The following RARB variants were observed in gnomAD, a reference collection of about 807,000 sequenced individuals.
The protein encoded by RARB is retinoic acid receptor beta, also known as HBV-activated protein.
In RARB, 17 loss-of-function variants were observed where a neutral mutation model predicts 51.9. The ratio of observed to expected loss-of-function variants is 0.33; its 90% CI spans 0.22 to 0.49. The LOEUF (loss-of-function observed/expected upper bound fraction) is 0.49, where lower values mean the gene tolerates loss of function less well. RARB is among the 20% of genes least tolerant of loss of function. The probability of loss-of-function intolerance (pLI) is 0.99; values close to 1 mark genes in which losing one functional copy is unlikely to be tolerated. For synonymous variants in RARB, 215 were observed against 195.4 expected (o/e 1.10, Z -0.84); for missense variants, 369 against 550.8 (o/e 0.67, Z 3.30).
At chr3:25,573,037 T>A (rs1280185710) in intron 4 of RARB, among the ~76,000 whole-genome samples, 1 of 152,098 alleles carries the variant, frequency 6.6e-6, no homozygotes, top group Admixed American at 6.5e-5. Context: ...TCACCACTGA[T>A]GAGCAGAACG....
At chr3:25,196,667 A>G (rs941086697) in intron 5 of RARB, among the ~76,000 whole-genome samples, 2 of 152,114 alleles carry the variant, frequency 1.3e-5, no homozygotes, top group Non-Finnish European at 2.9e-5. Flanking sequence ...CAATGGTTGA[A>G]CTAGTTTACA....
At chr3:25,385,050 G>C (rs1216307591) in intron 5 of RARB, among the ~76,000 whole-genome samples, 1 of 152,114 alleles carries the variant, frequency 6.6e-6, no homozygotes, top group African/African-American at 2.4e-5. Context: ...GGCCGTAGTA[G>C]ATACTTAAAG....
intron 5 of RARB, among the ~76,000 whole-genome samples, chr3:25,199,520 G>A (rs1701337652): frequency 6.6e-6 from 1 of 152,046 alleles, no homozygotes; most frequent in Admixed American, 6.6e-5. Context: ...TGTTACATAT[G>A]TATACATGTG....
intron 4 of RARB, among the ~76,000 whole-genome samples, chr3:25,149,012 T>C (rs1400615664): frequency 6.6e-6 from 1 of 152,194 alleles, no homozygotes; most frequent in Non-Finnish European, 1.5e-5. Flanking sequence ...TAGTTTTACT[T>C]TGATATGCTA....
intron 5 of RARB, among the ~76,000 whole-genome samples, chr3:25,203,647 C>T (rs1306724923): frequency 6.6e-6 from 1 of 152,136 alleles, no homozygotes; most frequent in Non-Finnish European, 1.5e-5. Flanking sequence ...AATCTCTCAG[C>T]ATTTGCTTGT....
chr3:25,220,340 T>C (rs1291561930), intron 5 of RARB, among the ~76,000 whole-genome samples: 2 of 152,204 alleles, frequency 1.3e-5, no homozygotes, highest in Admixed American at 1.3e-4. Flanking sequence ...AATATTTAAG[T>C]TATCACATGT....
intron 5 of RARB, among the ~76,000 whole-genome samples, chr3:25,311,195 T>A (rs919184957): frequency 6.6e-6 from 1 of 152,148 alleles, no homozygotes; most frequent in Non-Finnish European, 1.5e-5. Context: ...GAGAGGCATA[T>A]CAGACAGGAC....
chr3:24,869,413 AGAAAATT>A (rs2125348000), intron 2 of RARB, among the ~76,000 whole-genome samples: 1 of 152,290 alleles, frequency 6.6e-6, no homozygotes, highest in East Asian at 1.9e-4. Context: ...CCTGATTTTT[AGAAAATT>A]AAAACACTTA....
intron 5 of RARB, among the ~76,000 whole-genome samples, chr3:25,249,647 G>C (rs939733512): frequency 1.3e-4 from 18 of 142,672 alleles, no homozygotes; most frequent in African/African-American, 4.6e-4. Context: ...CTTCAGCTTT[G>C]ATTCTGGGTA....
At chr3:25,517,958 C>T (rs1169750957) in intron 3 of RARB, among the ~76,000 whole-genome samples, 1 of 152,092 alleles carries the variant, frequency 6.6e-6, no homozygotes, top group Non-Finnish European at 1.5e-5. Context: ...CATAGAAACA[C>T]AAAGTAACTT....
At chr3:25,143,660 C>A (rs1378358347) in intron 4 of RARB, among the ~76,000 whole-genome samples, 1 of 152,168 alleles carries the variant, frequency 6.6e-6, no homozygotes, top group East Asian at 1.9e-4. Flanking sequence ...CCTGAGCAAC[C>A]CCAAACCACC....
intron 3 of RARB, among the ~76,000 whole-genome samples, chr3:25,539,612 T>C (rs1226716582): frequency 3.2e-4 from 48 of 151,220 alleles, no homozygotes; most frequent in African/African-American, 1.0e-3. Context: ...TGTATTTCTT[T>C]TTTCCCCCCC....
rs759589176 is a variant in RARB, at chr3:25,007,592, C to CAAAAAAA, written c.-379-52527_-379-52521dup. 1.8e-3 allele frequency among the ~76,000 whole-genome samples: 82 copies of CAAAAAAA among 45,304 alleles called. 9 individuals carry two copies. Among genetic ancestry groups the CAAAAAAA allele is most frequent in the African/African-American group, 3.3e-3 (31 of 9,444 alleles). 29.7% of individuals were successfully genotyped at this position (45,304 alleles called of 152,430 possible). A position where few individuals can be genotyped will look rare whatever the true frequency, so the allele number is the denominator to read the frequency against. On this transcript the variant is annotated intron_variant, in intron 2 of 11. Coordinates refer to the RARB transcript ENST00000383772. ...CCTGGGCAACAGAGTGAGACTGTCT[C>CAAAAAAA]AAAAAAAAAAAACAAAAAAACCTCA...
chr3:24,898,634 T>C (rs2125369692), intron 2 of RARB, among the ~76,000 whole-genome samples: 1 of 152,312 alleles, frequency 6.6e-6, no homozygotes. Context: ...TTTCTTCTAC[T>C]TTTCTATTTT....
chr3:25,123,708 C>T (rs1480600520), intron 3 of RARB, among the ~76,000 whole-genome samples: 1 of 152,188 alleles, frequency 6.6e-6, no homozygotes. Flanking sequence ...GAGCAGCTCA[C>T]ACCCAGTATT....
intron 2 of RARB, among the ~76,000 whole-genome samples, chr3:25,051,333 G>C (rs1183962063): frequency 6.6e-6 from 1 of 152,010 alleles, no homozygotes; most frequent in African/African-American, 2.4e-5. Flanking sequence ...TGTTTCCAGC[G>C]TTAAGATAGG....
chr3:25,474,107 C>G (rs1260868153), intron 2 of RARB, among the ~76,000 whole-genome samples: 1 of 151,988 alleles, frequency 6.6e-6, no homozygotes, highest in Non-Finnish European at 1.5e-5. Context: ...CTAGAATGAC[C>G]AAGCAATGTT....
rs563780539 is a variant in RARB, at chr3:25,138,758, AAATT to A, written c.-280+6557_-280+6560del. On this transcript the variant is annotated intron_variant, in intron 4 of 11. Coordinates refer to the RARB transcript ENST00000383772. ...TGTTAGTTTCAATTTTAACTTGACTAAATTAATTAACATTTAATAAGAATTCTGT... is the reference window on the plus strand; with the variant it reads ...TGTTAGTTTCAATTTTAACTTGACTAAATTAACATTTAATAAGAATTCTGT... Among the ~76,000 whole-genome samples, 85 of 152,294 alleles carry A rather than the reference AAATT, an allele frequency of 5.6e-4. No homozygotes were observed. In the South Asian group the frequency reaches 0.017, roughly 30 times the overall value.
At chr3:25,099,825 C>T (rs114098923) in intron 3 of RARB, among the ~76,000 whole-genome samples, 1,877 of 152,218 alleles carry the variant, frequency 0.012, 45 homozygotes, top group African/African-American at 0.041. Context: ...TGGCTTACCT[C>T]CATCCTGCTT....
Sources: allele counts gnomAD v4.1 joint callset (sites outside exome capture counted in the v4.1 genomes callset), GRCh38; gene constraint gnomAD v4.1.1; transcripts MANE v1.5; gene names NCBI Gene and HGNC (gene_info 2026-07-23, HGNC 2026-07-21).